NPR3: variants seen among roughly 807,000 people sequenced by gnomAD.
NPR3 encodes atrial natriuretic peptide receptor 3.
In NPR3, 34 loss-of-function variants were observed where a neutral mutation model predicts 54.5. The observed-to-expected ratio is 0.62, with a 90% confidence interval of 0.47 to 0.83. The LOEUF is 0.83. NPR3 is among the 40% of genes least tolerant of loss of function. The probability of loss-of-function intolerance (pLI) is 0.00; values close to 1 mark genes in which losing one functional copy is unlikely to be tolerated. For missense variants in NPR3, 674 were observed against 720.8 expected (o/e 0.94, Z 0.74); for synonymous variants, 289 against 297.1 (o/e 0.97, Z 0.28).
chr5:32,738,862 AGGAGAT>A lies in NPR3; in HGVS notation c.894_899del (p.Asp299_Gly300del). On this transcript the variant is annotated splice_acceptor_variant and coding_sequence_variant, in exon 3 of 8. Coordinates refer to ENST00000265074, the MANE Select transcript of NPR3 (RefSeq NM_001204375.2). LOFTEE classifies it high-confidence loss of function. ...TTATAAATATTTTTATTTCTTCCAT[AGGAGAT>A]GGCTCATGGAAGAGAGGAGACAAAC... The A allele has an allele frequency of 6.2e-7, 1 of 1,610,802 alleles. No homozygotes were observed. Among genetic ancestry groups the A allele is most frequent in the Non-Finnish European group, 8.5e-7 (1 of 1,178,212 alleles).
chr5:32,745,668 G>A (rs141019099), intron 3 of NPR3, among the ~76,000 whole-genome samples: 2 of 152,186 alleles, frequency 1.3e-5, no homozygotes, highest in Admixed American at 6.5e-5. Context: ...AGCAACACAG[G>A]CTGAAGTATT....
In NPR3 at chr5:32,783,349, C is replaced by T. The variant is rs951531226; in HGVS notation, c.1426+321C>T. The T allele has an allele frequency of 1.0e-4, 22 of 210,408 alleles. No homozygotes were observed. The Admixed American group carries it at 1.3e-3, about 12-fold the overall frequency. The allele number at this position is 210,408 out of a possible 1,614,324, so 13.0% of individuals were successfully genotyped here. ...ATATCACTCCCTTATTCATCTGTCA[C>T]AGCAAGTCTCGTTCTGATTTTTCAA... On this transcript the variant is annotated intron_variant, in intron 6 of 7. Coordinates refer to ENST00000265074, the MANE Select transcript of NPR3 (RefSeq NM_001204375.2).
chr5:32,701,187 T>A (rs1005447593), intron 1 of NPR3, among the ~76,000 whole-genome samples: 5 of 151,998 alleles, frequency 3.3e-5, no homozygotes, highest in East Asian at 1.9e-4. Context: ...TGGCTGTTTT[T>A]TTATTATTAT....
In NPR3 at chr5:32,711,386, T is replaced by C. The variant is rs951950802; in HGVS notation, c.-391T>C. The C allele has an allele frequency of 1.6e-5, 16 of 1,001,942 alleles. No homozygotes were observed. The Admixed American group carries it at 9.0e-4, about 56-fold the overall frequency. The allele number at this position is 1,001,942 out of a possible 1,614,324, so 62.1% of individuals were successfully genotyped here. ...TCAATTACAAACACTTGGACAAGTC[T>C]AACTTTTTTTTTCTTCTACAAAAAC... is the stretch of plus-strand genomic sequence containing the variant. On this transcript the variant is annotated 5_prime_UTR_variant, in exon 1 of 8. An upstream open reading frame in the 5' UTR loses its in-frame stop. Transcript: ENST00000265074.
intron 1 of NPR3, among the ~76,000 whole-genome samples, chr5:32,691,875 G>T (rs1395099313): frequency 6.6e-6 from 1 of 152,212 alleles, no homozygotes; most frequent in Non-Finnish European, 1.5e-5. Flanking sequence ...TAATGATGTA[G>T]ATTTTACACT....
At position 32,745,177 on chromosome 5, in the gene NPR3, A is replaced by G. The variant is rs700926; in HGVS notation, c.1059+6147A>G. 2.0e-5 allele frequency among the ~76,000 whole-genome samples: 3 copies of G among 152,014 alleles called. 1 individual carries two copies. The highest frequency in any genetic ancestry group is 4.2e-4 in the South Asian group (2 of 4,806). On this transcript the variant is annotated intron_variant, in intron 3 of 7. Transcript: ENST00000265074. ...ACACAAAGCGAAGTATTCAGTTTCA[A>G]TTATACCATGGGAAATAGTGTGGGG...
chr5:32,710,604 G>T (rs1388791926), upstream of NPR3: 5 of 1,412,726 alleles, frequency 3.5e-6, no homozygotes, highest in Non-Finnish European at 4.6e-6. Context: ...GGCTGGCGCG[G>T]GGCTGAGGAA....
intron 1 of NPR3, among the ~76,000 whole-genome samples, chr5:32,693,443 C>T (rs1019627699): frequency 5.9e-5 from 9 of 152,118 alleles, no homozygotes; most frequent in African/African-American, 2.2e-4. Context: ...GAAGAAAAAA[C>T]TCCCTTACGG....
chr5:32,779,752 A>C (rs1742241427), intron 4 of NPR3, among the ~76,000 whole-genome samples: 1 of 152,214 alleles, frequency 6.6e-6, no homozygotes, highest in Non-Finnish European at 1.5e-5. Context: ...TGATGTGGGT[A>C]CAGTTGGGTC....
At chr5:32,729,688 T>G (rs1739357267) in intron 2 of NPR3, among the ~76,000 whole-genome samples, 1 of 152,218 alleles carries the variant, frequency 6.6e-6, no homozygotes, top group Non-Finnish European at 1.5e-5. Flanking sequence ...TGTAGGCAAT[T>G]ATAGCATGAT....
chr5:32,698,149 C>G (rs939278524), intron 1 of NPR3, among the ~76,000 whole-genome samples: 3 of 151,902 alleles, frequency 2.0e-5, no homozygotes, highest in Non-Finnish European at 4.4e-5. Context: ...CCTCTTAGTA[C>G]TGCTTTCACT....
intron 3 of NPR3, among the ~76,000 whole-genome samples, chr5:32,753,168 T>C (rs1468633104): frequency 1.3e-5 from 2 of 152,222 alleles, no homozygotes; most frequent in African/African-American, 4.8e-5. Context: ...TTCTGAAAGG[T>C]AGTCACTGTT....
At chr5:32,754,559 A>G (rs1740737765) in intron 3 of NPR3, among the ~76,000 whole-genome samples, 1 of 152,200 alleles carries the variant, frequency 6.6e-6, no homozygotes, top group Non-Finnish European at 1.5e-5. Flanking sequence ...CTTACTGATC[A>G]TAAAATTTCA....
At chr5:32,697,774 G>A (rs1251762000) in intron 1 of NPR3, among the ~76,000 whole-genome samples, 1 of 151,976 alleles carries the variant, frequency 6.6e-6, no homozygotes, top group African/African-American at 2.4e-5. Flanking sequence ...CAATTTATTG[G>A]CATATGGCTG....
intron 4 of NPR3, among the ~76,000 whole-genome samples, chr5:32,778,708 A>G (rs1167781478): frequency 6.6e-6 from 1 of 152,174 alleles, no homozygotes; most frequent in Non-Finnish European, 1.5e-5. Context: ...TATGTACGAT[A>G]CTCTCAGGTG....
Position 32,788,158 on chromosome 5 carries a change from T to C in NPR3, c.*1813T>C, listed in dbSNP as rs754806157. The C allele has an allele frequency of 6.6e-6, 1 of 152,176 alleles. No homozygotes were observed. Among genetic ancestry groups the C allele is most frequent in the Admixed American group, 6.6e-5 (1 of 15,266 alleles). 9.4% of individuals were successfully genotyped at this position (152,176 alleles called of 1,614,324 possible). A position where few individuals can be genotyped will look rare whatever the true frequency, so the allele number is the denominator to read the frequency against. On this transcript the variant is annotated 3_prime_UTR_variant, in exon 8 of 8. Coordinates refer to ENST00000265074, the MANE Select transcript of NPR3 (RefSeq NM_001204375.2). Reference sequence around the variant, plus strand: ...CATTTCCCTTCTGTTGTTTAAGAAATGGGAGCTGGGAGGCAGCTGAGAGGG... The same window carrying C: ...CATTTCCCTTCTGTTGTTTAAGAAACGGGAGCTGGGAGGCAGCTGAGAGGG...
rs1292864965 is a variant in NPR3, at chr5:32,739,009, A to T, written c.1038A>T (p.Gln346His). 3.1e-6 allele frequency: 5 copies of T among 1,613,840 alleles called. No homozygotes were observed. Among genetic ancestry groups the T allele is most frequent in the Admixed American group, 3.3e-5 (2 of 60,000 alleles). Residue 346 changes from glutamine to histidine, a missense_variant, in exon 3 of 8, where the codon CAA becomes CAT. Transcript: ENST00000265074. ...AGGTGAAAAGTTCAGTTGAGAAACA[A>T]GGGCTCAATATGGAGGATTACGTAA... Reference protein sequence around the residue: ...SMEVKSSVEKQGLNMEDYVNM... With the variant: ...SMEVKSSVEKHGLNMEDYVNM...
rs559202598 is a variant in NPR3 at position 32,774,754 on chromosome 5, T to C, written c.1106T>C (p.Val369Ala). Residue 369 changes from valine to alanine, a missense_variant, in exon 4 of 8, where the codon GTC becomes GCC. By Grantham distance (64) the Val-to-Ala change is moderately conservative. Transcript: ENST00000265074. ...EGFHDAILLY[V>A]LALHEVLRAG... ...TTCCACGATGCCATCCTCCTCTACG[T>C]CTTGGCTCTACATGAAGTACTCAGA... 20 of 1,607,988 alleles carry C rather than the reference T, an allele frequency of 1.2e-5. No homozygotes were observed. The Admixed American group carries it at 1.7e-4, about 13-fold the overall frequency.
chr5:32,759,559 A>C (rs1013268593), intron 3 of NPR3, among the ~76,000 whole-genome samples: 12 of 152,082 alleles, frequency 7.9e-5, no homozygotes, highest in Non-Finnish European at 4.4e-5. Context: ...TCTTTATCCA[A>C]TTTGCCAGTC....
Sources: gnomAD v4.1 joint callset for allele counts (sites outside exome capture counted in the v4.1 genomes callset) on GRCh38, gnomAD v4.1.1 for gene constraint, MANE v1.5 for transcripts, NCBI Gene and HGNC (gene_info 2026-07-23, HGNC 2026-07-21) for gene names.